EVC: variants seen among roughly 807,000 people sequenced by gnomAD.
The protein encoded by EVC is EvC ciliary complex subunit 1.
In EVC, 116 loss-of-function variants were observed where a neutral mutation model predicts 118.9. The observed-to-expected ratio is 0.98, with a 90% CI of 0.84 to 1.14. The LOEUF (loss-of-function observed/expected upper bound fraction) is 1.14, where lower values mean the gene tolerates loss of function less well. Among genes scored for constraint, EVC ranks in the 50% most tolerant of loss-of-function variants. The probability of loss-of-function intolerance (pLI) is 0.00; values close to 1 mark genes in which losing one functional copy is unlikely to be tolerated. For synonymous variants in EVC, 619 were observed against 534.7 expected (o/e 1.16, Z -2.18); for missense variants, 1,401 against 1,246.4 (o/e 1.12, Z -1.87).
chr4:5,769,695 C>A (rs1461799396), intron 11 of EVC, among the ~76,000 whole-genome samples: 1 of 152,102 alleles, frequency 6.6e-6, no homozygotes, highest in African/African-American at 2.4e-5. Flanking sequence ...TGACTGTCCC[C>A]CCATAGCTGT....
At position 5,791,017 on chromosome 4, in the gene EVC, C is replaced by G. The variant is rs181630893; in HGVS notation, c.1777-2591C>G. On this transcript the variant is annotated intron_variant, in intron 12 of 20. Coordinates refer to ENST00000264956, the MANE Select transcript of EVC (RefSeq NM_153717.3). ...GGCTGAGGCAGGAGAATCGCTTGAA[C>G]CCGGGAGGTGAAGCTTGCAGTGAGC... is the stretch of plus-strand genomic sequence containing the variant. Among the ~76,000 whole-genome samples, 20 of 151,978 alleles carry G rather than the reference C, an allele frequency of 1.3e-4. No individual in the cohort carries two copies. In the East Asian group the frequency reaches 3.9e-3, roughly 30 times the overall value.
chr4:5,730,823 A>T (rs1726683195), intron 3 of EVC, among the ~76,000 whole-genome samples: 1 of 152,146 alleles, frequency 6.6e-6, no homozygotes, highest in Admixed American at 6.5e-5. Context: ...GAGCCACTTC[A>T]CTGTGGCTCG....
chr4:5,736,374 G>C (rs935399755), intron 5 of EVC, among the ~76,000 whole-genome samples: 26 of 152,188 alleles, frequency 1.7e-4, no homozygotes, highest in African/African-American at 4.8e-4. Flanking sequence ...TATTCAACCA[G>C]TGGCAATTTC....
intron 13 of EVC, among the ~76,000 whole-genome samples, chr4:5,795,356 CAG>C (rs1026401161): frequency 2.6e-5 from 4 of 152,062 alleles, no homozygotes; most frequent in African/African-American, 9.7e-5. Flanking sequence ...AGGGAAACAT[CAG>C]AAGAGGATGG....
rs1314242452 is a variant in EVC at position 5,744,831 on chromosome 4, G to A, written c.802-373G>A. Among the ~76,000 whole-genome samples, 3 of 152,240 alleles carry A rather than the reference G, an allele frequency of 2.0e-5. No individual in the cohort carries two copies. The East Asian group carries it at 5.8e-4, about 29-fold the overall frequency. On this transcript the variant is annotated intron_variant, in intron 6 of 20. Transcript: ENST00000264956. ...CAAATACACACCACTTCCTGCCCTGGGGTGTTGTTCTTTCCCAGGAAAACC... is the reference window on the plus strand; with the variant it reads ...CAAATACACACCACTTCCTGCCCTGAGGTGTTGTTCTTTCCCAGGAAAACC...
Position 5,756,146 on chromosome 4 carries a change from C to T in EVC, c.1465-118C>T, listed in dbSNP as rs1731130363. The T allele has an allele frequency of 3.8e-6, 3 of 785,754 alleles. No individual in the cohort carries two copies. Among genetic ancestry groups the T allele is most frequent in the Non-Finnish European group, 4.3e-6 (2 of 463,310 alleles). 48.7% of individuals were successfully genotyped at this position (785,754 alleles called of 1,614,324 possible). On this transcript the variant is annotated intron_variant, in intron 10 of 20. Coordinates refer to ENST00000264956, the MANE Select transcript of EVC (RefSeq NM_153717.3). The surrounding 1 kb of genome is among the most constrained non-coding windows in gnomAD (Gnocchi z 4.2). ...TGCCTCAGTTTCCTTGTGTGTAATA[C>T]AGGTGCCAACATCCTTCTTTCTAAC...
the EVC span, chr4:5,828,769 C>T: frequency 7.3e-7 from 1 of 1,362,542 alleles, no homozygotes; most frequent in Non-Finnish European, 9.9e-7. Context: ...AAGCGTGTTC[C>T]AATGTTTTTT....
chr4:5,780,261 T>G (rs1735379324), intron 11 of EVC, among the ~76,000 whole-genome samples: 1 of 152,190 alleles, frequency 6.6e-6, no homozygotes, highest in African/African-American at 2.4e-5. Flanking sequence ...TTATATCCAT[T>G]GAGCACAGCA....
intron 7 of EVC, 56 bp downstream of exon 7, chr4:5,745,397 T>C: frequency 2.5e-6 from 4 of 1,581,354 alleles, no homozygotes; most frequent in Non-Finnish European, 3.5e-6. Context: ...AACAGTTAAA[T>C]TGGCTACATT....
intron 2 of EVC, among the ~76,000 whole-genome samples, chr4:5,728,257 G>A (rs1235729682): frequency 2.6e-5 from 4 of 152,012 alleles, no homozygotes; most frequent in African/African-American, 7.3e-5. Flanking sequence ...CTTGAGCAGT[G>A]GTTTGTAGTT....
chr4:5,810,230 G>C, intron 19 of EVC, 109 bp from the exon 20 acceptor site: 2 of 817,388 alleles, frequency 2.4e-6, no homozygotes, highest in Non-Finnish European at 4.2e-6. Context: ...CATACACTTG[G>C]CCCACACAAC....
Position 5,756,167 on chromosome 4 carries a change from C to A in EVC, c.1465-97C>A. On this transcript the variant is annotated intron_variant, in intron 10 of 20. Coordinates refer to ENST00000264956, the MANE Select transcript of EVC (RefSeq NM_153717.3). This position sits in a 1 kb window ranked among gnomAD's most constrained non-coding sequence, Gnocchi z 4.2. ...AATACAGGTGCCAACATCCTTCTTT[C>A]TAACCTGAGATGCAGGGGATGGTTG... The A allele has an allele frequency of 2.1e-6, 2 of 947,094 alleles. No individual in the cohort carries two copies. The highest frequency in any genetic ancestry group is 1.7e-6 in the Non-Finnish European group (1 of 605,004). The allele number at this position is 947,094 out of a possible 1,614,324, so 58.7% of individuals were successfully genotyped here.
chr4:5,772,032 G>A (rs1734064401), intron 11 of EVC, among the ~76,000 whole-genome samples: 1 of 151,858 alleles, frequency 6.6e-6, no homozygotes. Flanking sequence ...CGGGTAGCTG[G>A]GACTACAGGC....
At chr4:5,748,522 A>ATCCATCTACGTG (rs1560330042) in intron 8 of EVC, among the ~76,000 whole-genome samples, 2 of 135,166 alleles carry the variant, frequency 1.5e-5, no homozygotes, top group African/African-American at 2.8e-5. Flanking sequence ...CCTTCCATCC[A>ATCCATCTACGTG]TCCATCCATC....
downstream of EVC, among the ~76,000 whole-genome samples, chr4:5,817,505 A>G (rs1347347444): frequency 1.3e-5 from 2 of 152,224 alleles, no homozygotes; most frequent in Non-Finnish European, 2.9e-5. Context: ...CAGGTGCACC[A>G]GGGCCCCTGT....
chr4:5,808,453 C>A (rs1716366451), intron 18 of EVC, 126 bp downstream of exon 18: 1 of 1,452,432 alleles, frequency 6.9e-7, no homozygotes, highest in Non-Finnish European at 9.5e-7. Flanking sequence ...CATCGTTGAC[C>A]CGCTGAGTCT....
intron 1 of EVC, among the ~76,000 whole-genome samples, chr4:5,712,862 T>C (rs927450998): frequency 3.3e-5 from 5 of 152,192 alleles, no homozygotes; most frequent in African/African-American, 7.2e-5. Flanking sequence ...CTGGGTGTCC[T>C]GTGCAATGTT....
At chr4:5,722,556 T>G (rs1282328580) in intron 2 of EVC, among the ~76,000 whole-genome samples, 2 of 152,146 alleles carry the variant, frequency 1.3e-5, no homozygotes, top group Non-Finnish European at 2.9e-5. Flanking sequence ...TTGGATGACC[T>G]CTGTTTAATG....
At chr4:5,828,330 G>C in the EVC span, 18 of 985,122 alleles carry the variant, frequency 1.8e-5, no homozygotes, top group Non-Finnish European at 2.0e-5. Context: ...CCTCAGACAG[G>C]AGCCCAGGCC....
Sources: allele counts gnomAD v4.1 joint callset (sites outside exome capture counted in the v4.1 genomes callset), GRCh38; gene constraint gnomAD v4.1.1; non-coding constraint Gnocchi (gnomAD v3.1); transcripts MANE v1.5; gene names NCBI Gene and HGNC (gene_info 2026-07-23, HGNC 2026-07-21).